The following DNAH3 variants were observed in gnomAD, a reference collection of about 807,000 sequenced individuals.
DNAH3 encodes axonemal beta dynein heavy chain 3.
Under a neutral mutation model 432.5 loss-of-function variants are expected in DNAH3, and 332 were observed. The ratio of observed to expected loss-of-function variants is 0.77; its 90% CI spans 0.70 to 0.84. DNAH3 has a LOEUF of 0.84. DNAH3 is among the 40% of genes least tolerant of loss of function. DNAH3 has a pLI of 0.00. For missense variants in DNAH3, 4,861 were observed against 5,114.0 expected (o/e 0.95, Z 1.51); for synonymous variants, 1,956 against 1,900.2 (o/e 1.03, Z -0.76).
chr16:20,971,059 G>A (rs1442818303), intron 51 of DNAH3, among the ~76,000 whole-genome samples: 1 of 151,610 alleles, frequency 6.6e-6, no homozygotes, highest in Non-Finnish European at 1.5e-5. Context: ...GTATAGATGG[G>A]GTTTCACCAT....
chr16:21,041,378 AAGAG>A (rs372330893), intron 32 of DNAH3, among the ~76,000 whole-genome samples: 24 of 152,102 alleles, frequency 1.6e-4, no homozygotes, highest in African/African-American at 5.3e-4. Context: ...CTCAAAAAAA[AAGAG>A]AGAGAGAAAT....
At chr16:21,145,247 TCAG>T in exon 3 of DNAH3, 1 of 1,613,770 alleles carries the variant, frequency 6.2e-7, no homozygotes, top group African/African-American at 1.3e-5. Context: ...TGGTAGACCT[TCAG>T]CAGATCTTTC....
intron 12 of DNAH3, among the ~76,000 whole-genome samples, chr16:21,112,562 C>T (rs889435652): frequency 2.6e-5 from 4 of 152,176 alleles, no homozygotes; most frequent in African/African-American, 4.8e-5. Context: ...TATTCACTAT[C>T]ATGAGAATAG....
At chr16:21,132,953 T>C (rs563187586) in intron 7 of DNAH3, among the ~76,000 whole-genome samples, 3 of 140,702 alleles carry the variant, frequency 2.1e-5, no homozygotes, top group Non-Finnish European at 3.1e-5. Flanking sequence ...TCTGGACTCC[T>C]ACAATTTTTT....
intron 41 of DNAH3, among the ~76,000 whole-genome samples, chr16:21,005,160 T>C (rs72780825): frequency 0.21 from 28,683 of 138,286 alleles, 3,196 homozygotes; most frequent in South Asian, 0.33. Flanking sequence ...CTCTTTCTTT[T>C]CTTTCTTTCT....
intron 1 of DNAH3, among the ~76,000 whole-genome samples, chr16:21,151,487 G>T (rs1295533013): frequency 6.6e-6 from 1 of 151,908 alleles, no homozygotes; most frequent in Non-Finnish European, 1.5e-5. Flanking sequence ...TAGTAGAGAC[G>T]GGGTTTCACC....
chr16:21,131,427 AAAAG>A (rs1567845824), intron 7 of DNAH3, among the ~76,000 whole-genome samples: 1 of 149,232 alleles, frequency 6.7e-6, no homozygotes, highest in African/African-American at 2.5e-5. Flanking sequence ...AAGAAAGAAG[AAAAG>A]AAAGGAAGAA....
chr16:21,041,544 CAG>C (rs2089442128), intron 32 of DNAH3, among the ~76,000 whole-genome samples: 1 of 152,154 alleles, frequency 6.6e-6, no homozygotes, highest in South Asian at 2.1e-4. Context: ...GCATTAGTAA[CAG>C]GGGGTAGACC....
At chr16:20,957,477 T>G (rs915796585) in intron 54 of DNAH3, among the ~76,000 whole-genome samples, 1 of 152,098 alleles carries the variant, frequency 6.6e-6, no homozygotes, top group African/African-American at 2.4e-5. Context: ...CAGGGTGCAT[T>G]TGGCTATCGG....
intron 1 of DNAH3, 60 bp from the exon 3 acceptor site, chr16:21,146,148 A>G: frequency 7.9e-7 from 1 of 1,264,508 alleles, no homozygotes; most frequent in Non-Finnish European, 1.2e-6. Context: ...CAAGCCTCTG[A>G]GTTGGTTAGG....
chr16:20,936,987 C>T lies in DNAH3; in HGVS notation c.11655-134G>A, dbSNP rs764229478. The stretch of plus-strand genomic sequence containing the variant: ...TTAAATGAGGAAAAATTAAATCACC[C>T]GTTACCTTGCTACCTAAAGATAACG... On this transcript the variant is annotated intron_variant, in intron 59 of 61. Coordinates refer to ENST00000261383, the Ensembl canonical transcript of DNAH3. The T allele has an allele frequency of 6.0e-5, 41 of 688,230 alleles. 1 individual carries two copies. The highest frequency in any genetic ancestry group is 8.0e-4 in the Middle Eastern group (2 of 2,492). 42.6% of individuals were successfully genotyped at this position (688,230 alleles called of 1,614,324 possible). A position where few individuals can be genotyped will look rare whatever the true frequency, so the allele number is the denominator to read the frequency against.
At position 21,097,295 on chromosome 16, in the gene DNAH3, G is replaced by A. The variant is rs913753346; in HGVS notation, c.2665+60C>T. The A allele has an allele frequency of 7.5e-6, 12 of 1,593,768 alleles. No homozygotes were observed. The African/African-American group carries it at 1.2e-4, about 16-fold the overall frequency. The stretch of plus-strand genomic sequence containing the variant: ...TAAGTGCAAACCATATTTCAGAAGT[G>A]ACTGGGTGGATCCTCCACCTCATCC... On this transcript the variant is annotated intron_variant, in intron 18 of 61. Transcript: ENST00000261383.
chr16:21,152,873 C>T lies in DNAH3; in HGVS notation c.117+6452G>A, dbSNP rs568365718. Among the ~76,000 whole-genome samples the T allele has an allele frequency of 2.8e-3, 431 of 152,378 alleles. 2 individuals carry two copies. Among genetic ancestry groups the T allele is most frequent in the African/African-American group, 8.4e-3 (350 of 41,586 alleles). On this transcript the variant is annotated intron_variant, in intron 1 of 61. Transcript: ENST00000261383. The stretch of plus-strand genomic sequence containing the variant: ...GGACTTGCAGCCCGCCATGCCTGAG[C>T]CTCCCACCCCCTCCGTGGGCTCCTG...
intron 16 of DNAH3, among the ~76,000 whole-genome samples, chr16:21,101,414 A>C (rs1208039135): frequency 1.3e-5 from 2 of 152,072 alleles, no homozygotes; most frequent in African/African-American, 4.8e-5. Flanking sequence ...ATAAATTCCT[A>C]TATATATATC....
In DNAH3 at chr16:21,084,961, C is replaced by G. The variant is rs557974803; in HGVS notation, c.2877+1888G>C. The stretch of plus-strand genomic sequence containing the variant: ...CACCTGTCCCACCTAAGCTCCCTAA[C>G]CCCCCCATCCCCCCGATGCAGGTCA... On this transcript the variant is annotated intron_variant, in intron 19 of 61. Coordinates refer to ENST00000261383, the Ensembl canonical transcript of DNAH3. 2.7e-4 allele frequency among the ~76,000 whole-genome samples: 41 copies of G among 151,776 alleles called. No homozygotes were observed. In the South Asian group the frequency reaches 3.6e-3, roughly 13 times the overall value.
At position 21,146,078 on chromosome 16, in the gene DNAH3, CT is replaced by C; in HGVS notation, c.127del (p.Ser43ValfsTer7). 1 of 1,612,758 alleles carries C rather than the reference CT, an allele frequency of 6.2e-7. No homozygotes were observed. Among genetic ancestry groups the C allele is most frequent in the Non-Finnish European group, 8.5e-7 (1 of 1,178,922 alleles). ...GTGGCTCATGTGATGTATGGAGTCA[CT>C]TTTGGCGATCTGTGGGACATGGGAA... On this transcript the variant is annotated frameshift_variant, in exon 2 of 62. Transcript: ENST00000261383. LOFTEE classifies it high-confidence loss of function.
chr16:21,134,593 A>C, intron 6 of DNAH3, 139 bp from the exon 8 acceptor site: 1 of 673,400 alleles, frequency 1.5e-6, no homozygotes, highest in Non-Finnish European at 2.4e-6. Flanking sequence ...CCTGGGCTCA[A>C]GTGATCCTCC....
At chr16:21,127,870 C>T (rs2092474512) in intron 7 of DNAH3, 58 bp from the exon 9 acceptor site, 4 of 1,600,018 alleles carry the variant, frequency 2.5e-6, no homozygotes, top group Non-Finnish European at 3.4e-6. Context: ...ACAAATCCCG[C>T]AGGACAGGTT....
intron 3 of DNAH3, among the ~76,000 whole-genome samples, chr16:21,141,842 G>A (rs2152829599): frequency 6.6e-6 from 1 of 152,188 alleles, no homozygotes; most frequent in South Asian, 2.1e-4. Flanking sequence ...CCTGAGGTCA[G>A]GAGTTCACGA....
Sources: allele counts gnomAD v4.1 joint callset (sites outside exome capture counted in the v4.1 genomes callset), GRCh38; gene constraint gnomAD v4.1.1; transcripts MANE v1.5; gene names NCBI Gene and HGNC (gene_info 2026-07-23, HGNC 2026-07-21).